Variants in KIAA0825 observed in about 807,000 individuals in gnomAD.
KIAA0825 encodes uncharacterized protein KIAA0825.
A neutral mutation model predicts 147.6 loss-of-function variants in KIAA0825; 119 were observed. The observed-to-expected ratio is 0.81, with a 90% CI of 0.69 to 0.94. The LOEUF (loss-of-function observed/expected upper bound fraction) is 0.94. Among genes scored for constraint, KIAA0825 ranks in the 40% least tolerant of loss-of-function variants. The pLI is 0.00. For synonymous variants in KIAA0825, 470 were observed against 518.1 expected (o/e 0.91, Z 1.26); for missense variants, 1,381 against 1,472.7 (o/e 0.94, Z 1.02).
intron 3 of KIAA0825, 126 bp downstream of exon 3, chr5:94,536,870 T>G: frequency 1.6e-6 from 1 of 612,946 alleles, no homozygotes; most frequent in Non-Finnish European, 2.8e-6. Context: ...CTAATCAATA[T>G]TTTGGGGGAA....
chr5:94,193,490 G>A (rs1222806445), intron 20 of KIAA0825, among the ~76,000 whole-genome samples: 4 of 152,284 alleles, frequency 2.6e-5, no homozygotes, highest in East Asian at 1.9e-4. Context: ...AAATGGCAGC[G>A]CAGAGTTTTG....
chr5:94,519,822 ATG>A, intron 5 of KIAA0825: 1 of 736,774 alleles, frequency 1.4e-6, no homozygotes, highest in Non-Finnish European at 1.7e-6. Flanking sequence ...CTTTTCTGTT[ATG>A]TATATAACTA....
intron 20 of KIAA0825, among the ~76,000 whole-genome samples, chr5:94,343,846 A>G (rs967036618): frequency 6.6e-6 from 1 of 152,202 alleles, no homozygotes; most frequent in Non-Finnish European, 1.5e-5. Context: ...CATAGAAAAA[A>G]TAGGCAGGAG....
intron 2 of KIAA0825, among the ~76,000 whole-genome samples, chr5:94,553,431 A>G (rs1584870696): frequency 6.7e-6 from 1 of 149,088 alleles, no homozygotes; most frequent in Admixed American, 6.7e-5. Context: ...CAAGAGCAAA[A>G]CTCCATCTAA....
intron 14 of KIAA0825, among the ~76,000 whole-genome samples, chr5:94,424,352 C>T (rs1274896416): frequency 6.6e-6 from 1 of 151,956 alleles, no homozygotes; most frequent in Non-Finnish European, 1.5e-5. Context: ...AACTAGATAT[C>T]AATAACAAAA....
At chr5:94,500,944 AT>A (rs1210377276) in intron 5 of KIAA0825, among the ~76,000 whole-genome samples, 2 of 151,706 alleles carry the variant, frequency 1.3e-5, no homozygotes, top group Non-Finnish European at 2.9e-5. Context: ...CACCCAGCTA[AT>A]TTTTTGTATT....
chr5:94,385,722 C>T (rs966160858), intron 19 of KIAA0825, among the ~76,000 whole-genome samples: 6 of 152,090 alleles, frequency 3.9e-5, no homozygotes, highest in East Asian at 1.9e-4. Flanking sequence ...CCAAATAGAC[C>T]GGCTTTAAGA....
intron 10 of KIAA0825, among the ~76,000 whole-genome samples, chr5:94,468,287 C>T (rs957258906): frequency 1.3e-5 from 2 of 152,170 alleles, no homozygotes; most frequent in Non-Finnish European, 2.9e-5. Flanking sequence ...CTATGTTGAA[C>T]ATATAGTGAG....
At chr5:94,614,479 A>T (rs964784903) in intron 1 of KIAA0825, among the ~76,000 whole-genome samples, 3 of 152,230 alleles carry the variant, frequency 2.0e-5, no homozygotes, top group African/African-American at 7.2e-5. Flanking sequence ...GCCCACAGTT[A>T]TCTACAGCTT....
intron 3 of KIAA0825, among the ~76,000 whole-genome samples, chr5:94,529,947 C>T (rs935305295): frequency 2.0e-5 from 3 of 152,040 alleles, no homozygotes; most frequent in Non-Finnish European, 4.4e-5. Flanking sequence ...TTGATTTCCT[C>T]AAAGTGGAAA....
intron 1 of KIAA0825, among the ~76,000 whole-genome samples, chr5:94,608,443 G>A (rs1561389333): frequency 2.5e-4 from 1 of 3,996 alleles, no homozygotes; most frequent in Non-Finnish European, 5.6e-4. Flanking sequence ...GTGTGTGTAT[G>A]TGTGTGTGTA....
chr5:94,485,588 C>T (rs539880288), intron 5 of KIAA0825, among the ~76,000 whole-genome samples: 24 of 151,156 alleles, frequency 1.6e-4, no homozygotes, highest in Middle Eastern at 3.4e-3. Flanking sequence ...AGAGTGTCTG[C>T]GGACTATTTT....
intron 20 of KIAA0825, among the ~76,000 whole-genome samples, chr5:94,293,593 T>G (rs1778000310): frequency 6.6e-6 from 1 of 152,168 alleles, no homozygotes; most frequent in African/African-American, 2.4e-5. Flanking sequence ...TTCTGTTGAT[T>G]TGGGGTGGAG....
intron 20 of KIAA0825, among the ~76,000 whole-genome samples, chr5:94,312,025 C>T (rs1055850411): frequency 2.6e-5 from 4 of 151,652 alleles, no homozygotes. Context: ...GGCACATCTA[C>T]TTTCAAAGGT....
At chr5:94,610,351 G>A (rs1788462802) in intron 1 of KIAA0825, among the ~76,000 whole-genome samples, 1 of 151,508 alleles carries the variant, frequency 6.6e-6, no homozygotes, top group Non-Finnish European at 1.5e-5. Flanking sequence ...AACCTGGGAG[G>A]TGGAGGTTGC....
At position 94,250,435 on chromosome 5, in the gene KIAA0825, C is replaced by T. The variant is rs1398112155; in HGVS notation, c.3711-96311G>A. On this transcript the variant is annotated intron_variant, in intron 20 of 20. Transcript: ENST00000682413. ...CATGCTATGAGAAAACTGAATGCAG[C>T]TATAATCTTCCACAAAGTTAATATT... Among the ~76,000 whole-genome samples, 3 of 152,152 alleles carry T rather than the reference C, an allele frequency of 2.0e-5. No individual in the cohort carries two copies. The South Asian group carries it at 6.2e-4, about 32-fold the overall frequency.
chr5:94,187,406 T>TG (rs1397522953), intron 20 of KIAA0825, among the ~76,000 whole-genome samples: 35 of 148,860 alleles, frequency 2.4e-4, no homozygotes, highest in South Asian at 1.7e-3. Flanking sequence ...AAAGGAGTTT[T>TG]TTTTTTTTTT....
chr5:94,596,309 G>T (rs1785303958), intron 1 of KIAA0825, among the ~76,000 whole-genome samples: 1 of 152,184 alleles, frequency 6.6e-6, no homozygotes, highest in African/African-American at 2.4e-5. Flanking sequence ...TGGCTAGCCA[G>T]TTATCCCAGC....
At chr5:94,329,872 T>C (rs1781089081) in intron 20 of KIAA0825, among the ~76,000 whole-genome samples, 1 of 151,680 alleles carries the variant, frequency 6.6e-6, no homozygotes, top group South Asian at 2.1e-4. Flanking sequence ...ATGTGGGAGC[T>C]AAAAAATTTG....
Sources: gnomAD v4.1 joint callset for allele counts (sites outside exome capture counted in the v4.1 genomes callset) on GRCh38, gnomAD v4.1.1 for gene constraint, MANE v1.5 for transcripts, NCBI Gene and HGNC (gene_info 2026-07-23, HGNC 2026-07-21) for gene names.